Variants in BASP1 observed in about 807,000 individuals in gnomAD.
BASP1 encodes the protein brain abundant membrane attached signal protein 1, also known as brain acid soluble protein 1.
In BASP1, 1 loss-of-function variant was observed where a neutral mutation model predicts 2.2. That is an observed-to-expected ratio of 0.46 (90% CI 0.16 to 2.17). The LOEUF is 2.17. BASP1 is among the 30% of genes most tolerant of loss of function. BASP1 has a pLI of 0.27. For missense variants in BASP1, 352 were observed against 327.2 expected (o/e 1.08, Z -0.58); for synonymous variants, 187 against 154.2 (o/e 1.21, Z -1.58).
chr5:17,221,239 C>T (rs1049862483), intron 1 of BASP1, among the ~76,000 whole-genome samples: 1 of 152,104 alleles, frequency 6.6e-6, no homozygotes, highest in African/African-American at 2.4e-5. Context: ...TAAGCTAAGA[C>T]GTTCATCCAC....
chr5:17,218,854 C>T (rs1434578205), intron 1 of BASP1, among the ~76,000 whole-genome samples: 6 of 151,378 alleles, frequency 4.0e-5, no homozygotes, highest in African/African-American at 1.5e-4. Context: ...ATTCATCGAA[C>T]GCTTGGCCAG....
intron 1 of BASP1, among the ~76,000 whole-genome samples, chr5:17,241,300 A>G (rs1218483652): frequency 2.0e-5 from 3 of 152,056 alleles, no homozygotes; most frequent in Non-Finnish European, 2.9e-5. Flanking sequence ...GGGTTTCGCC[A>G]TGTTGGCCAG....
chr5:17,275,897 G>A lies in BASP1; in HGVS notation c.681G>A (p.Glu227=). ...CCGACCAAACCGTAACCGTGAAAGA[G>A]TGACAAGGACAGCCTATAGGAAAAA... ...ANSDQTVTVK[E] The change falls in exon 2 of 2, where the codon GAG becomes GAA. Residue 227 remains glutamate (E), a synonymous_variant. Coordinates refer to ENST00000322611, the MANE Select transcript of BASP1 (RefSeq NM_006317.5). The surrounding 1 kb of genome is among the most constrained non-coding windows in gnomAD (Gnocchi z 5.3). 1 of 1,587,896 alleles carries A rather than the reference G, an allele frequency of 6.3e-7. No homozygotes were observed. Among genetic ancestry groups the A allele is most frequent in the Non-Finnish European group, 8.6e-7 (1 of 1,169,324 alleles).
chr5:17,253,689 C>T (rs1295344326), intron 1 of BASP1, among the ~76,000 whole-genome samples: 1 of 152,114 alleles, frequency 6.6e-6, no homozygotes, highest in East Asian at 1.9e-4. Context: ...GAACTATTGT[C>T]TTAATCATGA....
At chr5:17,249,680 CT>C (rs1740063326) in intron 1 of BASP1, among the ~76,000 whole-genome samples, 1 of 152,036 alleles carries the variant, frequency 6.6e-6, no homozygotes. Flanking sequence ...ACCTTTTTAC[CT>C]TTTTTAAACT....
chr5:17,275,500 A>C lies in BASP1; in HGVS notation c.284A>C (p.Glu95Ala). ...AEPEKTEGAAEAKAEPPKAPE... is the reference protein window; with the variant it reads ...AEPEKTEGAAAAKAEPPKAPE... The stretch of plus-strand genomic sequence containing the variant: ...CCCGAGAAGACGGAGGGCGCGGCAG[A>C]GGCCAAGGCTGAGCCCCCGAAGGCG... Residue 95 changes from glutamate (E) to alanine (A), a missense_variant, in exon 2 of 2, where the codon GAG (glutamate) becomes GCG (alanine). Coordinates refer to ENST00000322611, the MANE Select transcript of BASP1 (RefSeq NM_006317.5). This position sits in a 1 kb window ranked among gnomAD's most constrained non-coding sequence, Gnocchi z 5.3. 2.7e-6 allele frequency: 4 copies of C among 1,460,678 alleles called. No homozygotes were observed. Among genetic ancestry groups the C allele is most frequent in the Non-Finnish European group, 3.6e-6 (4 of 1,109,606 alleles). The allele number at this position is 1,460,678 out of a possible 1,614,324, so 90.5% of individuals were successfully genotyped here. A position where few individuals can be genotyped will look rare whatever the true frequency, so the allele number is the denominator to read the frequency against.
chr5:17,244,518 A>T (rs927180655), intron 1 of BASP1, among the ~76,000 whole-genome samples: 4 of 152,074 alleles, frequency 2.6e-5, no homozygotes, highest in African/African-American at 9.7e-5. Flanking sequence ...ACAACTCTGC[A>T]TTTTAGGGGT....
chr5:17,265,920 C>A lies in BASP1; in HGVS notation c.-9-9288C>A, dbSNP rs562858820. ...CCCATGCGTTTTCACTTGGTACCAG[C>A]AAAGGGATTTGAGAACCCTTAGTCA... On this transcript the variant is annotated intron_variant, in intron 1 of 1. Transcript: ENST00000322611. Among the ~76,000 whole-genome samples the A allele has an allele frequency of 2.6e-5, 4 of 152,300 alleles. No homozygotes were observed. In the East Asian group the frequency reaches 7.7e-4, roughly 29 times the overall value.
intron 1 of BASP1, among the ~76,000 whole-genome samples, chr5:17,265,191 C>G (rs967673880): frequency 6.6e-6 from 1 of 152,068 alleles, no homozygotes; most frequent in Non-Finnish European, 1.5e-5. Context: ...GCATGTAACC[C>G]CCTTGGCTTG....
At chr5:17,245,465 C>T (rs1224572680) in intron 1 of BASP1, among the ~76,000 whole-genome samples, 8 of 152,016 alleles carry the variant, frequency 5.3e-5, no homozygotes, top group Non-Finnish European at 5.9e-5. Flanking sequence ...CTTACAAATG[C>T]TAAATCTAAA....
rs373393791 is a variant in BASP1 at position 17,258,330 on chromosome 5, G to C, written c.-9-16878G>C. On this transcript the variant is annotated intron_variant, in intron 1 of 1. Coordinates refer to ENST00000322611, the MANE Select transcript of BASP1 (RefSeq NM_006317.5). ...TTTTCATGTTTCAGGTTTTACAGAT[G>C]ATGCAAAAGCATTAGTTTTCAAAGT... 1.5e-4 allele frequency among the ~76,000 whole-genome samples: 23 copies of C among 152,262 alleles called. 1 individual carries two copies. The East Asian group carries it at 2.9e-3, about 19-fold the overall frequency.
At chr5:17,261,620 C>CG (rs1579499128) in intron 1 of BASP1, among the ~76,000 whole-genome samples, 1 of 152,036 alleles carries the variant, frequency 6.6e-6, no homozygotes. Context: ...TTCTCTCCCC[C>CG]CCACCGTCTG....
At chr5:17,268,288 TA>T (rs1740459006) in intron 1 of BASP1, among the ~76,000 whole-genome samples, 1 of 152,220 alleles carries the variant, frequency 6.6e-6, no homozygotes, top group Non-Finnish European at 1.5e-5. Flanking sequence ...TTTCATAATT[TA>T]TTTTTTTCTT....
rs1740109531 is a variant in BASP1, at chr5:17,251,953, G to T, written c.-9-23255G>T. Among the ~76,000 whole-genome samples, 2 of 152,268 alleles carry T rather than the reference G, an allele frequency of 1.3e-5. No individual in the cohort carries two copies. The highest frequency in any genetic ancestry group is 4.1e-4 in the South Asian group (2 of 4,822). On this transcript the variant is annotated intron_variant, in intron 1 of 1. Coordinates refer to ENST00000322611, the MANE Select transcript of BASP1 (RefSeq NM_006317.5). This position sits in a 1 kb window ranked among gnomAD's most constrained non-coding sequence, Gnocchi z 4.0. Reference sequence around the variant, plus strand: ...TAGTGGGCGCTAGAGTGTAGACAAAGAATCCTCAGTATCCCAGAGGGCTTT... The same window carrying T: ...TAGTGGGCGCTAGAGTGTAGACAAATAATCCTCAGTATCCCAGAGGGCTTT...
chr5:17,238,481 A>C (rs548076052), intron 1 of BASP1, among the ~76,000 whole-genome samples: 1 of 152,304 alleles, frequency 6.6e-6, no homozygotes, highest in African/African-American at 2.4e-5. Flanking sequence ...AACAGTGAGG[A>C]GAAACCTTTA....
At chr5:17,230,851 T>A (rs1481112190) in intron 1 of BASP1, among the ~76,000 whole-genome samples, 1 of 152,178 alleles carries the variant, frequency 6.6e-6, no homozygotes, top group African/African-American at 2.4e-5. Context: ...TACAGGCCAC[T>A]GCGCCCAGCC....
chr5:17,244,195 C>T (rs992987412), intron 1 of BASP1, among the ~76,000 whole-genome samples: 2 of 152,060 alleles, frequency 1.3e-5, no homozygotes, highest in Non-Finnish European at 2.9e-5. Context: ...GCTTTAACAC[C>T]ATGTGTGCTT....
chr5:17,265,842 A>C (rs939405118), intron 1 of BASP1, among the ~76,000 whole-genome samples: 6 of 152,226 alleles, frequency 3.9e-5, no homozygotes, highest in African/African-American at 1.4e-4. Context: ...GTGTCTTTAA[A>C]TACTGCAGGA....
chr5:17,275,400 G>A lies in BASP1; in HGVS notation c.184G>A (p.Ala62Thr), dbSNP rs767831759. Residue 62 changes from alanine (A) to threonine (T), a missense_variant, in exon 2 of 2, where the codon GCC (alanine) becomes ACC (threonine). By Grantham distance (58) the Ala-to-Thr change is moderately conservative. Coordinates refer to ENST00000322611, the MANE Select transcript of BASP1 (RefSeq NM_006317.5). This position sits in a 1 kb window ranked among gnomAD's most constrained non-coding sequence, Gnocchi z 5.3. ...GGGCAAGGAGAAGCCCGACCAGGAC[G>A]CCGAGGGCAAGGCCGAGGAGAAGGA... Reference protein sequence around the residue: ...KEGKEKPDQDAEGKAEEKEGE... With the variant: ...KEGKEKPDQDTEGKAEEKEGE... 1.1e-5 allele frequency: 17 copies of A among 1,577,854 alleles called. No homozygotes were observed. Among genetic ancestry groups the A allele is most frequent in the Admixed American group, 3.8e-5 (2 of 52,566 alleles).
Sources: allele counts gnomAD v4.1 joint callset (sites outside exome capture counted in the v4.1 genomes callset), GRCh38; gene constraint gnomAD v4.1.1; non-coding constraint Gnocchi (gnomAD v3.1); transcripts MANE v1.5; gene names NCBI Gene and HGNC (gene_info 2026-07-23, HGNC 2026-07-21).